The following RBM5 variants were observed in gnomAD, a reference collection of about 807,000 sequenced individuals.
RBM5 encodes the protein RNA-binding protein 5.
Under a neutral mutation model 124.6 loss-of-function variants are expected in RBM5, and 15 were observed. The ratio of observed to expected loss-of-function variants is 0.12; its 90% CI spans 0.08 to 0.19. RBM5 has a LOEUF of 0.19. RBM5 is among the 10% of genes least tolerant of loss of function. The probability of loss-of-function intolerance (pLI) is 1.00; values close to 1 mark genes in which losing one functional copy is unlikely to be tolerated. For missense variants in RBM5, 580 were observed against 1,026.5 expected (o/e 0.57, Z 5.94); for synonymous variants, 337 against 361.2 (o/e 0.93, Z 0.76).
At position 50,103,124 on chromosome 3, in the gene RBM5, T is replaced by C. The variant is rs1396469630; in HGVS notation, c.525T>C (p.Tyr175=). The C allele has an allele frequency of 2.5e-6, 4 of 1,612,752 alleles. No individual in the cohort carries two copies. Among genetic ancestry groups the C allele is most frequent in the Non-Finnish European group, 2.5e-6 (3 of 1,178,828 alleles). The change falls in exon 7 of 25, where the codon TAT becomes TAC. Residue 175 remains tyrosine, a synonymous_variant. Coordinates refer to ENST00000347869, the MANE Select transcript of RBM5 (RefSeq NM_005778.4). The part of the protein sequence containing the change: ...VIQGKHIAMH[Y]SNPRPKFEDW... ...AAGGAAAGCACATTGCAATGCATTA[T>C]AGCAATCCCAGACCTAAGTTTGAAG...
chr3:50,106,875 T>C lies in RBM5; in HGVS notation c.953+11T>C, dbSNP rs2091042974. ...AAAAAGTGCCAGAAAGTGAGTGGCT[T>C]CATTGTCCTTATTTCAAACTACTGC... On this transcript the variant is annotated intron_variant, in intron 11 of 24. Coordinates refer to ENST00000347869, the MANE Select transcript of RBM5 (RefSeq NM_005778.4). The C allele has an allele frequency of 1.9e-6, 3 of 1,566,218 alleles. No individual in the cohort carries two copies. In the East Asian group the frequency reaches 6.7e-5, roughly 35 times the overall value.
intron 6 of RBM5, chr3:50,102,384 G>T (rs1188938595): frequency 6.6e-6 from 1 of 151,936 alleles, no homozygotes; most frequent in East Asian, 1.9e-4. Context: ...TGGCCTCCTG[G>T]TTACTCACCT....
chr3:50,115,731 T>A, intron 21 of RBM5, 124 bp downstream of exon 21: 1 of 1,291,558 alleles, frequency 7.7e-7, no homozygotes, highest in Non-Finnish European at 1.1e-6. Flanking sequence ...AGAAAGCTGT[T>A]CCCGATGACA....
intron 3 of RBM5, chr3:50,092,629 CACTTG>C (rs2090725000): frequency 1.1e-5 from 4 of 359,844 alleles, no homozygotes; most frequent in Non-Finnish European, 2.3e-5. Flanking sequence ...TACTTTTGAG[CACTTG>C]ACTTCATGAA....
intron 4 of RBM5, among the ~76,000 whole-genome samples, chr3:50,098,734 G>T (rs1488322983): frequency 2.0e-5 from 3 of 151,980 alleles, no homozygotes; most frequent in Non-Finnish European, 4.4e-5. Flanking sequence ...GAGCCACTAT[G>T]CGAGGCCTAA....
intron 17 of RBM5, chr3:50,112,741 G>A (rs939145827): frequency 2.6e-5 from 4 of 152,272 alleles, no homozygotes; most frequent in African/African-American, 9.7e-5. Context: ...CACCTGTTCT[G>A]GCTGCCTGGT....
In RBM5 at chr3:50,110,454, A is replaced by G. The variant is rs762537684; in HGVS notation, c.1354A>G (p.Thr452Ala). The change falls in exon 16 of 25, where the codon ACC (threonine) becomes GCC (alanine). Residue 452 changes from threonine to alanine, a missense_variant. Thr to Ala is a moderately conservative substitution (Grantham distance 58). Transcript: ENST00000347869. Reference protein sequence around the residue: ...AASPTGVVPGTKYAVPDTSTY... With the variant: ...AASPTGVVPGAKYAVPDTSTY... ...TTCCCCTACTGGTGTAGTTCCTGGT[A>G]CCAAATATGGTAAGCCAAACCTCAT... is the stretch of plus-strand genomic sequence containing the variant. The G allele has an allele frequency of 3.1e-6, 5 of 1,613,978 alleles. No individual in the cohort carries two copies. Among genetic ancestry groups the G allele is most frequent in the Non-Finnish European group, 4.2e-6 (5 of 1,179,852 alleles).
At chr3:50,102,941 A>G in intron 6 of RBM5, 142 bp from the exon 7 acceptor site, 1 of 668,062 alleles carries the variant, frequency 1.5e-6, no homozygotes, top group Non-Finnish European at 2.7e-6. Flanking sequence ...GGATGGGCAG[A>G]GTATAGGTGG....
At chr3:50,113,314 G>A (rs1245695759) in intron 17 of RBM5, 69 bp from the exon 18 acceptor site, 5 of 1,485,850 alleles carry the variant, frequency 3.4e-6, no homozygotes, top group Non-Finnish European at 4.6e-6. Context: ...TCTTTTTTTT[G>A]ACAAAATATG....
At chr3:50,116,274 C>G (rs2091251529) in intron 22 of RBM5, 1 of 340,764 alleles carries the variant, frequency 2.9e-6, no homozygotes, top group Non-Finnish European at 5.5e-6. Context: ...AGAGAGTGGT[C>G]TAGTTTGGCC....
chr3:50,092,573 A>AAAAAG lies in RBM5; in HGVS notation c.183+374_183+378dup, dbSNP rs746162119. ...CAAGACTCCATCTCAAAAAAAAAAA[A>AAAAAG]AAAAGAAAAGAAATAATGGCCAGGG... On this transcript the variant is annotated intron_variant, in intron 3 of 24. Transcript: ENST00000347869. Among the ~76,000 whole-genome samples the AAAAAG allele has an allele frequency of 1.2e-4, 18 of 152,000 alleles. No homozygotes were observed. In the East Asian group the frequency reaches 2.3e-3, roughly 20 times the overall value.
chr3:50,103,122 T>C lies in RBM5; in HGVS notation c.523T>C (p.Tyr175His). Reference sequence around the variant, plus strand: ...TCAAGGAAAGCACATTGCAATGCATTATAGCAATCCCAGACCTAAGTTTGA... The same window carrying C: ...TCAAGGAAAGCACATTGCAATGCATCATAGCAATCCCAGACCTAAGTTTGA... ...VIQGKHIAMHYSNPRPKFEDW... is the reference protein window; with the variant it reads ...VIQGKHIAMHHSNPRPKFEDW... The change falls in exon 7 of 25, where the codon TAT becomes CAT. Residue 175 changes from tyrosine (Y) to histidine (H), a missense_variant. Transcript: ENST00000347869. The C allele has an allele frequency of 6.2e-7, 1 of 1,612,716 alleles. No homozygotes were observed. The highest frequency in any genetic ancestry group is 8.5e-7 in the Non-Finnish European group (1 of 1,178,712).
intron 10 of RBM5, 48 bp downstream of exon 10, chr3:50,105,757 A>G (rs770203147): frequency 1.2e-5 from 19 of 1,592,414 alleles, no homozygotes; most frequent in Admixed American, 1.0e-4. Flanking sequence ...CAGCTTTAAG[A>G]GGCAAATGTG....
chr3:50,108,066 G>A lies in RBM5; in HGVS notation c.1042-4G>A, dbSNP rs1307640531. 4 of 1,599,592 alleles carry A rather than the reference G, an allele frequency of 2.5e-6. No individual in the cohort carries two copies. Among genetic ancestry groups the A allele is most frequent in the South Asian group, 1.1e-5 (1 of 90,782 alleles). Reference sequence around the variant, plus strand: ...TGTCTTTGTCTCATTTTGATGTTTTGTAGTCTCAAAGTGGTGAAGGAGGCA... The same window carrying A: ...TGTCTTTGTCTCATTTTGATGTTTTATAGTCTCAAAGTGGTGAAGGAGGCA... On this transcript the variant is annotated splice_region_variant and splice_polypyrimidine_tract_variant and intron_variant, in intron 12 of 24. Transcript: ENST00000347869.
At chr3:50,092,434 G>A (rs951244514) in intron 3 of RBM5, among the ~76,000 whole-genome samples, 6 of 151,866 alleles carry the variant, frequency 4.0e-5, no homozygotes, top group South Asian at 4.2e-4. Context: ...GGTGGTGGGC[G>A]CCTGTAATCC....
rs180806975 is a variant in RBM5 at position 50,106,704 on chromosome 3, G to A, written c.856-63G>A. The stretch of plus-strand genomic sequence containing the variant: ...ATAGAAAACTACTTCTTTGAATGGG[G>A]TGGATGGTAGGGAGAGATTTTTAAT... On this transcript the variant is annotated intron_variant, in intron 10 of 24. Transcript: ENST00000347869. The A allele has an allele frequency of 7.7e-4, 906 of 1,171,276 alleles. 4 individuals carry two copies. In the African/African-American group the frequency reaches 0.012, roughly 15 times the overall value. The allele number at this position is 1,171,276 out of a possible 1,614,324, so 72.6% of individuals were successfully genotyped here.
chr3:50,093,573 CAAA>C (rs879508881), intron 3 of RBM5, 144 bp from the exon 4 acceptor site: 7 of 679,768 alleles, frequency 1.0e-5, no homozygotes, highest in South Asian at 3.1e-5. Context: ...ACCCCTGTCT[CAAA>C]AAAAAAAAAT....
At position 50,108,283 on chromosome 3, in the gene RBM5, T is replaced by A. The variant is rs1393591355; in HGVS notation, c.1171T>A (p.Ser391Thr). ...FYQQQAGGLE[S>T]DASSASGTAV... ...TCAACAACAAGCTGGAGGATTGGAA[T>A]CTGATGCATCATCTGCATCAGGTAG... The change falls in exon 14 of 25, where the codon TCT (serine) becomes ACT (threonine). Residue 391 changes from serine to threonine, a missense_variant. This residue lies in a region of RBM5 where 104 missense variants were observed against 128.7 expected (regional missense o/e 0.81). Transcript: ENST00000347869. The A allele has an allele frequency of 6.2e-7, 1 of 1,612,378 alleles. No homozygotes were observed. The highest frequency in any genetic ancestry group is 1.3e-5 in the African/African-American group (1 of 74,910).
rs369033948 is a variant in RBM5 at position 50,117,207 on chromosome 3, G to A, written c.2192+36G>A. 7 of 1,614,062 alleles carry A rather than the reference G, an allele frequency of 4.3e-6. No homozygotes were observed. Among genetic ancestry groups the A allele is most frequent in the African/African-American group, 4.0e-5 (3 of 74,932 alleles). On this transcript the variant is annotated intron_variant, in intron 23 of 24. Coordinates refer to ENST00000347869, the MANE Select transcript of RBM5 (RefSeq NM_005778.4). The surrounding 1 kb of genome is among the most constrained non-coding windows in gnomAD (Gnocchi z 4.2). ...TGCACATTTTCCAGTTCGTAAGCTGGGGCCCTGGCTGTTTTAAGTAACTGT... is the reference window on the plus strand; with the variant it reads ...TGCACATTTTCCAGTTCGTAAGCTGAGGCCCTGGCTGTTTTAAGTAACTGT...
Sources: allele counts gnomAD v4.1 joint callset (sites outside exome capture counted in the v4.1 genomes callset), GRCh38; gene constraint gnomAD v4.1.1; regional missense constraint gnomAD v4.1.1; non-coding constraint Gnocchi (gnomAD v3.1); transcripts MANE v1.5; gene names NCBI Gene and HGNC (gene_info 2026-07-23, HGNC 2026-07-21).